P4HA1: variants seen among roughly 807,000 people sequenced by gnomAD.
P4HA1 encodes prolyl 4-hydroxylase subunit alpha-1.
Under a neutral mutation model 72.8 loss-of-function variants are expected in P4HA1, and 24 were observed. The observed-to-expected ratio is 0.33, with a 90% CI of 0.24 to 0.46. The LOEUF (loss-of-function observed/expected upper bound fraction) is 0.46, where lower values mean the gene tolerates loss of function less well. Among genes scored for constraint, P4HA1 ranks in the 20% least tolerant of loss-of-function variants. The pLI is 1.00. For synonymous variants in P4HA1, 201 were observed against 218.8 expected, an observed-to-expected ratio of 0.92 and a Z score of 0.72; for missense variants, 446 against 640.6, an observed-to-expected ratio of 0.70 and a Z score of 3.28.
At chr10:73,044,351 T>G (rs80234730) in intron 9 of P4HA1, among the ~76,000 whole-genome samples, 2 of 152,130 alleles carry the variant, frequency 1.3e-5, no homozygotes, top group Admixed American at 1.3e-4. Context: ...ATAAAACTGT[T>G]TTTAAATCTC....
chr10:73,093,951 T>A (rs1288278447), intron 1 of P4HA1, among the ~76,000 whole-genome samples: 4 of 144,140 alleles, frequency 2.8e-5, no homozygotes, highest in Non-Finnish European at 6.0e-5. Context: ...TTGGATTTTT[T>A]ATATATATTC....
chr10:73,081,330 A>T (rs559263693), intron 1 of P4HA1, among the ~76,000 whole-genome samples: 1 of 152,322 alleles, frequency 6.6e-6, no homozygotes, highest in Admixed American at 6.5e-5. Flanking sequence ...GTGTTGCAAC[A>T]GTATGAATAA....
intron 4 of P4HA1, chr10:73,071,192 CA>C (rs36107511): frequency 0.013 from 1,288 of 102,912 alleles, 11 homozygotes; most frequent in African/African-American, 0.023. Flanking sequence ...ACCCTGTCTC[CA>C]AAAAAAAAAA....
intron 2 of P4HA1, among the ~76,000 whole-genome samples, chr10:73,074,170 C>G (rs1181034612): frequency 6.6e-6 from 1 of 152,076 alleles, no homozygotes; most frequent in Non-Finnish European, 1.5e-5. Flanking sequence ...CTTTAGTTCC[C>G]CTTTACCTTA....
chr10:73,019,402 C>A (rs1035642953), intron 10 of P4HA1, among the ~76,000 whole-genome samples: 2 of 151,958 alleles, frequency 1.3e-5, no homozygotes, highest in African/African-American at 4.8e-5. Context: ...GAGAATGTAA[C>A]TCTCTAGTTA....
intron 9 of P4HA1, among the ~76,000 whole-genome samples, chr10:73,037,567 ATATATTTT>A (rs1369007178): frequency 9.7e-4 from 28 of 28,982 alleles, no homozygotes; most frequent in African/African-American, 2.9e-3. Context: ...ATATATATAT[ATATATTTT>A]TTTTTTTTTT....
In P4HA1 at chr10:73,051,470, C is replaced by G. The variant is rs1021861841; in HGVS notation, c.704-221G>C. 2.0e-5 allele frequency among the ~76,000 whole-genome samples: 3 copies of G among 152,122 alleles called. No homozygotes were observed. The South Asian group carries it at 6.2e-4, about 31-fold the overall frequency. On this transcript the variant is annotated intron_variant, in intron 6 of 14. Transcript: ENST00000394890. The stretch of plus-strand genomic sequence containing the variant: ...GGACATATAGTCACCTATATAAAAA[C>G]AGTTCTGGGCCAGGCCTGGTGGCTC...
At chr10:73,093,903 T>C (rs1211487198) in intron 1 of P4HA1, among the ~76,000 whole-genome samples, 18 of 75,230 alleles carry the variant, frequency 2.4e-4, no homozygotes, top group Admixed American at 6.3e-4. Flanking sequence ...TATATATATA[T>C]ATATACACAC....
intron 1 of P4HA1, among the ~76,000 whole-genome samples, chr10:73,090,576 C>T (rs925933304): frequency 1.3e-5 from 2 of 152,066 alleles, no homozygotes; most frequent in African/African-American, 4.8e-5. Flanking sequence ...TCAATAAAGT[C>T]GTTAAAATAT....
chr10:73,045,069 A>G lies in P4HA1; in HGVS notation c.1078-18T>C. On this transcript the variant is annotated intron_variant, in intron 8 of 14. Transcript: ENST00000394890. The stretch of plus-strand genomic sequence containing the variant: ...CGCCTCAGCTGTGAAGCCAACCATC[A>G]AAATAGTTGCATTACAAAACAAAAA... The G allele has an allele frequency of 6.8e-6, 11 of 1,608,312 alleles. No homozygotes were observed. Among genetic ancestry groups the G allele is most frequent in the Non-Finnish European group, 9.4e-6 (11 of 1,175,542 alleles).
intron 5 of P4HA1, among the ~76,000 whole-genome samples, chr10:73,058,963 G>A (rs1356791526): frequency 1.3e-5 from 2 of 151,464 alleles, no homozygotes; most frequent in Non-Finnish European, 2.9e-5. Flanking sequence ...TTTTTAGTAG[G>A]GATGGTGTTT....
At chr10:73,038,719 C>T (rs1029912898) in intron 9 of P4HA1, among the ~76,000 whole-genome samples, 6 of 110,384 alleles carry the variant, frequency 5.4e-5, no homozygotes, top group African/African-American at 5.2e-5. Flanking sequence ...CTCCGCCTCC[C>T]GGGTTCACGC....
intron 5 of P4HA1, among the ~76,000 whole-genome samples, chr10:73,054,093 T>C (rs935797138): frequency 2.6e-5 from 4 of 152,184 alleles, no homozygotes; most frequent in Non-Finnish European, 4.4e-5. Context: ...ATTTTGTATT[T>C]TTAGTAGAGA....
chr10:73,028,715 A>G (rs1481304889), intron 10 of P4HA1, among the ~76,000 whole-genome samples: 3 of 150,286 alleles, frequency 2.0e-5, no homozygotes, highest in Non-Finnish European at 3.0e-5. Context: ...GATTACAGGC[A>G]TGAGCCACCA....
chr10:73,047,988 G>A (rs1840914166), intron 7 of P4HA1, among the ~76,000 whole-genome samples: 1 of 152,128 alleles, frequency 6.6e-6, no homozygotes, highest in Non-Finnish European at 1.5e-5. Flanking sequence ...GGAGGTAGAG[G>A]TTGCAGTGAG....
At position 73,093,873 on chromosome 10, in the gene P4HA1, AATAT is replaced by A. The variant is rs1167437294; in HGVS notation, c.-33+2889_-33+2892del. On this transcript the variant is annotated intron_variant, in intron 1 of 14. Transcript: ENST00000394890. ...AAAAAAAAAAAAAAAAAAAAAAAAA[AATAT>A]ATATATATATATATATATATATATA... 9.1e-3 allele frequency among the ~76,000 whole-genome samples: 266 copies of A among 29,304 alleles called. 5 individuals are homozygous for A. The highest frequency in any genetic ancestry group is 0.011 in the Non-Finnish European group (139 of 12,592). The allele number at this position is 29,304 out of a possible 152,430, so 19.2% of individuals were successfully genotyped here.
intron 1 of P4HA1, among the ~76,000 whole-genome samples, chr10:73,087,262 G>T (rs1044712647): frequency 6.7e-6 from 1 of 148,460 alleles, no homozygotes; most frequent in East Asian, 2.0e-4. Flanking sequence ...GATGTTTAAT[G>T]CCTTTATTTT....
At chr10:73,096,615 GAGGGGA>G (rs1842174946) in intron 1 of P4HA1, among the ~76,000 whole-genome samples, 145 bp downstream of exon 1, 1 of 152,154 alleles carries the variant, frequency 6.6e-6, no homozygotes, top group Non-Finnish European at 1.5e-5. Context: ...CGAGTCTCCC[GAGGGGA>G]AGGAACCGAG....
chr10:73,040,909 AAAG>A (rs1840717191), intron 9 of P4HA1, among the ~76,000 whole-genome samples: 2 of 151,886 alleles, frequency 1.3e-5, no homozygotes, highest in Non-Finnish European at 2.9e-5. Flanking sequence ...TATTTTTTTT[AAAG>A]AAGGGGTTTT....
Sources: allele counts gnomAD v4.1 joint callset (sites outside exome capture counted in the v4.1 genomes callset), GRCh38; gene constraint gnomAD v4.1.1; transcripts MANE v1.5; gene names NCBI Gene and HGNC (gene_info 2026-07-23, HGNC 2026-07-21).